Variants in GBE1 observed in about 807,000 individuals in gnomAD.
GBE1 encodes the protein 1,4-alpha-glucan-branching enzyme.
Under a neutral mutation model 88.8 loss-of-function variants are expected in GBE1, and 70 were observed. That is an observed-to-expected ratio of 0.79 (90% confidence interval 0.65 to 0.96). GBE1 has a LOEUF of 0.96. Among genes scored for constraint, GBE1 ranks in the 40% least tolerant of loss-of-function variants. The probability of loss-of-function intolerance (pLI) is 0.00; values close to 1 mark genes in which losing one functional copy is unlikely to be tolerated. For synonymous variants in GBE1, 284 were observed against 300.1 expected, an observed-to-expected ratio of 0.95 and a Z score of 0.56; for missense variants, 872 against 871.0, an observed-to-expected ratio of 1.00 and a Z score of -0.01.
chr3:81,571,287 A>C (rs1208353548), intron 12 of GBE1, among the ~76,000 whole-genome samples: 1 of 152,214 alleles, frequency 6.6e-6, no homozygotes, highest in Non-Finnish European at 1.5e-5. Context: ...TGAATGAATT[A>C]AGGAATGAAT....
At chr3:81,741,599 A>G (rs1409585280) in intron 1 of GBE1, among the ~76,000 whole-genome samples, 1 of 152,024 alleles carries the variant, frequency 6.6e-6, no homozygotes, top group East Asian at 1.9e-4. Context: ...CCATGTTTGT[A>G]CACAGAAATC....
At chr3:81,759,597 C>A (rs1478450358) in intron 1 of GBE1, among the ~76,000 whole-genome samples, 2 of 152,192 alleles carry the variant, frequency 1.3e-5, no homozygotes, top group African/African-American at 4.8e-5. Flanking sequence ...TGTATGCTAG[C>A]AAATGGCCAT....
At chr3:81,676,928 T>C (rs796450445) in intron 2 of GBE1, among the ~76,000 whole-genome samples, 13 of 152,266 alleles carry the variant, frequency 8.5e-5, no homozygotes, top group African/African-American at 3.1e-4. Context: ...GCAAAGGTGA[T>C]CAAACATTAA....
intron 7 of GBE1, among the ~76,000 whole-genome samples, chr3:81,610,850 C>G: frequency 6.6e-6 from 1 of 152,018 alleles, no homozygotes; most frequent in East Asian, 1.9e-4. Context: ...CAATTTAGCC[C>G]GTTAAAAACA....
intron 2 of GBE1, among the ~76,000 whole-genome samples, chr3:81,693,359 T>C (rs1705547666): frequency 6.6e-6 from 1 of 152,192 alleles, no homozygotes; most frequent in Admixed American, 6.5e-5. Flanking sequence ...TAGGAAAGTA[T>C]TGGTAATTAC....
intron 12 of GBE1, among the ~76,000 whole-genome samples, chr3:81,539,670 AGACT>A (rs958158653): frequency 1.3e-5 from 2 of 152,046 alleles, no homozygotes; most frequent in Non-Finnish European, 2.9e-5. Flanking sequence ...ATTTGATGAC[AGACT>A]GACTGAATGG....
At chr3:81,571,965 T>C (rs956173051) in intron 12 of GBE1, among the ~76,000 whole-genome samples, 2 of 152,172 alleles carry the variant, frequency 1.3e-5, no homozygotes, top group African/African-American at 2.4e-5. Flanking sequence ...AGGCTTTGTG[T>C]CCCCACCCAA....
intron 1 of GBE1, among the ~76,000 whole-genome samples, chr3:81,735,054 T>A (rs1384413382): frequency 1.3e-5 from 2 of 152,156 alleles, no homozygotes; most frequent in Non-Finnish European, 2.9e-5. Flanking sequence ...ATCTCAGTTA[T>A]CAGATCAAAT....
chr3:81,597,348 A>AAT (rs1703969552), intron 7 of GBE1, among the ~76,000 whole-genome samples: 1 of 151,372 alleles, frequency 6.6e-6, no homozygotes, highest in Non-Finnish European at 1.5e-5. Context: ...CTGTCTTTAC[A>AAT]AACCACTTAC....
At chr3:81,532,362 G>T (rs1199151583) in intron 14 of GBE1, among the ~76,000 whole-genome samples, 1 of 151,872 alleles carries the variant, frequency 6.6e-6, no homozygotes, top group Admixed American at 6.6e-5. Flanking sequence ...CTATCCTCAG[G>T]AATAATACCA....
chr3:81,625,140 G>A (rs1303669929), intron 7 of GBE1, among the ~76,000 whole-genome samples: 1 of 151,900 alleles, frequency 6.6e-6, no homozygotes, highest in Non-Finnish European at 1.5e-5. Flanking sequence ...GTGGTGTGGG[G>A]AAGAAAAACA....
chr3:81,503,658 A>G (rs1702619019), intron 14 of GBE1, among the ~76,000 whole-genome samples: 1 of 152,278 alleles, frequency 6.6e-6, no homozygotes, highest in Non-Finnish European at 1.5e-5. Context: ...AGGGAAGAGC[A>G]GTTGTGCCCA....
At chr3:81,633,188 A>C (rs572803812) in intron 7 of GBE1, among the ~76,000 whole-genome samples, 1 of 152,332 alleles carries the variant, frequency 6.6e-6, no homozygotes, top group South Asian at 2.1e-4. Flanking sequence ...GAGGGTGGCT[A>C]GTAAGTCTGA....
At chr3:81,737,405 T>A (rs867662352) in intron 1 of GBE1, among the ~76,000 whole-genome samples, 506 of 32,714 alleles carry the variant, frequency 0.015, 10 homozygotes, top group African/African-American at 0.062. Flanking sequence ...AAATATATTT[T>A]TATATATTTA....
intron 3 of GBE1, among the ~76,000 whole-genome samples, chr3:81,659,402 C>T: frequency 6.6e-6 from 1 of 150,800 alleles, no homozygotes; most frequent in East Asian, 1.9e-4. Flanking sequence ...GTGGCGTGAT[C>T]TCGCCTCACT....
intron 3 of GBE1, among the ~76,000 whole-genome samples, chr3:81,652,525 T>G (rs1704864869): frequency 6.6e-6 from 1 of 152,182 alleles, no homozygotes; most frequent in African/African-American, 2.4e-5. Context: ...ATTTTCTCCT[T>G]CTCTCTTATT....
At chr3:81,758,409 C>T (rs1423472907) in intron 1 of GBE1, among the ~76,000 whole-genome samples, 2 of 152,210 alleles carry the variant, frequency 1.3e-5, no homozygotes, top group Non-Finnish European at 2.9e-5. Flanking sequence ...GGACTCACTG[C>T]TAGGCAAAAG....
chr3:81,561,159 C>T (rs1304669815), intron 12 of GBE1, among the ~76,000 whole-genome samples: 5 of 152,014 alleles, frequency 3.3e-5, no homozygotes, highest in South Asian at 2.1e-4. Context: ...CAGATGATAA[C>T]GTATAAAGTG....
At chr3:81,522,074 A>G (rs1047490169) in intron 14 of GBE1, among the ~76,000 whole-genome samples, 1 of 151,456 alleles carries the variant, frequency 6.6e-6, no homozygotes, top group Non-Finnish European at 1.5e-5. Flanking sequence ...GCATTTTAAT[A>G]AGGGAGATGC....
Sources: gnomAD v4.1 joint callset for allele counts (sites outside exome capture counted in the v4.1 genomes callset) on GRCh38, gnomAD v4.1.1 for gene constraint, MANE v1.5 for transcripts, NCBI Gene and HGNC (gene_info 2026-07-23, HGNC 2026-07-21) for gene names.